The following ARHGAP32 variants were observed in gnomAD, a reference collection of about 807,000 sequenced individuals.
The protein encoded by ARHGAP32 is rho GTPase-activating protein 32.
ARHGAP32 carries 51 observed loss-of-function variants against 186.5 expected under a neutral mutation model. The observed-to-expected ratio is 0.27, with a 90% CI of 0.22 to 0.35. The LOEUF is 0.35. Ranked by LOEUF, ARHGAP32 falls within the 10% of genes least tolerant of loss-of-function variation. The pLI is 1.00. For missense variants in ARHGAP32, 2,186 were observed against 2,623.5 expected, an observed-to-expected ratio of 0.83 and a Z score of 3.64; for synonymous variants, 950 against 964.3, an observed-to-expected ratio of 0.99 and a Z score of 0.27.
At chr11:129,263,743 G>A (rs1051499992) in intron 1 of ARHGAP32, among the ~76,000 whole-genome samples, 1 of 152,012 alleles carries the variant, frequency 6.6e-6, no homozygotes, top group African/African-American at 2.4e-5. Flanking sequence ...AAACAAGCGT[G>A]GCCAAGGATG....
chr11:129,254,675 C>G (rs1455554263), intron 1 of ARHGAP32, among the ~76,000 whole-genome samples: 1 of 151,996 alleles, frequency 6.6e-6, no homozygotes, highest in Non-Finnish European at 1.5e-5. Flanking sequence ...CCTGTTTCAC[C>G]TTTTTAAGCA....
intron 15 of ARHGAP32, among the ~76,000 whole-genome samples, chr11:128,982,474 CGTGT>C (rs60379183): frequency 0.03 from 4,356 of 147,446 alleles, 82 homozygotes; most frequent in Middle Eastern, 0.045. Context: ...AGGTAAGTGC[CGTGT>C]GTGTGTGTGT....
At chr11:129,047,568 C>T (rs376603377) in intron 10 of ARHGAP32, among the ~76,000 whole-genome samples, 11 of 151,950 alleles carry the variant, frequency 7.2e-5, no homozygotes, top group African/African-American at 2.7e-4. Context: ...AGCAAACCAC[C>T]ACAACTAAAT....
At chr11:129,251,495 T>C (rs1422422016) in intron 1 of ARHGAP32, among the ~76,000 whole-genome samples, 1 of 152,124 alleles carries the variant, frequency 6.6e-6, no homozygotes, top group Non-Finnish European at 1.5e-5. Context: ...AATGTTTAAG[T>C]GCAACTAAAT....
intron 5 of ARHGAP32, among the ~76,000 whole-genome samples, chr11:129,111,393 G>C (rs1207720457): frequency 6.6e-6 from 1 of 152,112 alleles, no homozygotes; most frequent in African/African-American, 2.4e-5. Context: ...GGATTTTGGT[G>C]TTATGCTAAT....
intron 2 of ARHGAP32, among the ~76,000 whole-genome samples, chr11:129,155,701 A>AAT (rs1943386809): frequency 9.7e-6 from 1 of 102,874 alleles, no homozygotes; most frequent in African/African-American, 3.4e-5. Flanking sequence ...GAAATGTGTC[A>AAT]AAAAAAAAAA....
At chr11:129,002,805 ATTTTTTT>A (rs36036048) in intron 11 of ARHGAP32, among the ~76,000 whole-genome samples, 2 of 108,070 alleles carry the variant, frequency 1.9e-5, no homozygotes, top group African/African-American at 3.6e-5. Context: ...AGGGATGTTG[ATTTTTTT>A]TTTTTTTTTT....
At chr11:129,043,476 T>C (rs1312262547) in intron 10 of ARHGAP32, among the ~76,000 whole-genome samples, 1 of 140,052 alleles carries the variant, frequency 7.1e-6, no homozygotes, top group African/African-American at 2.6e-5. Flanking sequence ...AACCTCCGCC[T>C]CCCAGGTTCA....
At chr11:129,137,618 G>A (rs1299596775) in intron 2 of ARHGAP32, among the ~76,000 whole-genome samples, 3 of 151,898 alleles carry the variant, frequency 2.0e-5, no homozygotes, top group Non-Finnish European at 4.4e-5. Context: ...GACGATTAAA[G>A]CAAACAAATA....
chr11:129,217,856 A>G (rs1200814514), intron 1 of ARHGAP32, among the ~76,000 whole-genome samples: 1 of 152,190 alleles, frequency 6.6e-6, no homozygotes, highest in Non-Finnish European at 1.5e-5. Flanking sequence ...GTTTAAACCT[A>G]AGTTCAAATC....
chr11:129,096,803 C>G (rs573062421), intron 5 of ARHGAP32, among the ~76,000 whole-genome samples: 1 of 152,344 alleles, frequency 6.6e-6, no homozygotes, highest in East Asian at 1.9e-4. Flanking sequence ...TTTTCCTTCC[C>G]TGTCCCCCTT....
chr11:129,099,112 C>T (rs1277873957), intron 5 of ARHGAP32, among the ~76,000 whole-genome samples: 1 of 152,108 alleles, frequency 6.6e-6, no homozygotes, highest in African/African-American at 2.4e-5. Context: ...AGAAGTCCCT[C>T]CTTATCAGTA....
At chr11:129,186,401 A>G (rs1167876384) in intron 1 of ARHGAP32, among the ~76,000 whole-genome samples, 5 of 152,230 alleles carry the variant, frequency 3.3e-5, no homozygotes, top group African/African-American at 1.2e-4. Flanking sequence ...GATTATGAAG[A>G]CAGCCTAATG....
At chr11:129,100,016 C>T (rs1941847534) in intron 5 of ARHGAP32, among the ~76,000 whole-genome samples, 1 of 152,202 alleles carries the variant, frequency 6.6e-6, no homozygotes, top group South Asian at 2.1e-4. Context: ...AACCTGCACT[C>T]GCTACAGGCC....
intron 1 of ARHGAP32, among the ~76,000 whole-genome samples, chr11:129,219,450 A>G (rs1326584446): frequency 1.3e-5 from 2 of 152,124 alleles, no homozygotes; most frequent in Admixed American, 1.3e-4. Context: ...TATCCTCACA[A>G]ATGATAAACG....
chr11:129,112,539 G>C (rs191602590), intron 5 of ARHGAP32, among the ~76,000 whole-genome samples: 1 of 151,748 alleles, frequency 6.6e-6, no homozygotes, highest in Non-Finnish European at 1.5e-5. Context: ...CAAATATTTG[G>C]CTGCTTCATG....
chr11:129,276,856 T>C lies in ARHGAP32; in HGVS notation c.-5+2290A>G, dbSNP rs562058644. The stretch of plus-strand genomic sequence containing the variant: ...AACAAGCTCAGAAATGTAAATAACT[T>C]GTCCAAGGAAGGTACGCTGTCACAC... On this transcript the variant is annotated intron_variant, in intron 1 of 6. Coordinates refer to the ARHGAP32 transcript ENST00000525234. 9.8e-4 allele frequency among the ~76,000 whole-genome samples: 150 copies of C among 152,344 alleles called. 1 individual carries two copies. Among genetic ancestry groups the C allele is most frequent in the African/African-American group, 3.5e-3 (147 of 41,586 alleles).
At chr11:129,015,248 G>A (rs894123324) in intron 11 of ARHGAP32, among the ~76,000 whole-genome samples, 17 of 152,064 alleles carry the variant, frequency 1.1e-4, no homozygotes, top group African/African-American at 3.6e-4. Context: ...CCAGTTTTAG[G>A]ATACACTAAC....
At chr11:129,184,255 T>G (rs1320399795) in intron 1 of ARHGAP32, among the ~76,000 whole-genome samples, 2 of 152,040 alleles carry the variant, frequency 1.3e-5, no homozygotes, top group Non-Finnish European at 2.9e-5. Context: ...GCCATATGCA[T>G]CATGGGGGCT....
Sources: gnomAD v4.1 joint callset for allele counts (sites outside exome capture counted in the v4.1 genomes callset) on GRCh38, gnomAD v4.1.1 for gene constraint, MANE v1.5 for transcripts, NCBI Gene and HGNC (gene_info 2026-07-23, HGNC 2026-07-21) for gene names.